Variants in HNRNPC observed in about 807,000 individuals in gnomAD.
HNRNPC encodes the protein heterogeneous nuclear ribonucleoprotein C, also known as heterogeneous nuclear ribonucleoproteins C1/C2.
Under a neutral mutation model 33.2 loss-of-function variants are expected in HNRNPC, and 3 were observed. That is an observed-to-expected ratio of 0.09 (90% CI 0.04 to 0.23). The LOEUF is 0.23. HNRNPC is among the 10% of genes least tolerant of loss of function. HNRNPC has a pLI of 1.00. For missense variants in HNRNPC, 143 were observed against 366.7 expected (o/e 0.39, Z 4.98); for synonymous variants, 121 against 126.7 (o/e 0.96, Z 0.30).
intron 3 of HNRNPC, among the ~76,000 whole-genome samples, chr14:21,231,815 T>A (rs1017051658): frequency 2.4e-4 from 37 of 152,316 alleles, no homozygotes; most frequent in African/African-American, 8.7e-4. Flanking sequence ...AAGAGAAAAC[T>A]ATCACTGGTT....
intron 5 of HNRNPC, among the ~76,000 whole-genome samples, chr14:21,220,237 G>GTT (rs1566601145): frequency 2.4e-5 from 3 of 127,056 alleles, no homozygotes; most frequent in South Asian, 2.6e-4. Flanking sequence ...ATCTATTTCT[G>GTT]GTTTTTTTTT....
intron 6 of HNRNPC, 82 bp from the exon 7 acceptor site, chr14:21,212,005 C>T (rs1413476326): frequency 1.1e-5 from 11 of 992,046 alleles, no homozygotes. Flanking sequence ...CAGACTACAT[C>T]AGGAGCTCAC....
chr14:21,233,669 C>T (rs1366528181), intron 3 of HNRNPC, among the ~76,000 whole-genome samples: 1 of 152,158 alleles, frequency 6.6e-6, no homozygotes, highest in Non-Finnish European at 1.5e-5. Context: ...GGGCAGGACA[C>T]AACCATTTAG....
At position 21,209,473 on chromosome 14, in the gene HNRNPC, A is replaced by C. The variant is rs533632183; in HGVS notation, c.*1750T>G. ...TTTTCTAGTCACGGGTTACTTACTA[A>C]AAGTCTGTGTAACATGAGCTCACAT... is the stretch of plus-strand genomic sequence containing the variant. On this transcript the variant is annotated 3_prime_UTR_variant, in exon 9 of 9. Transcript: ENST00000553300. 1.4e-4 allele frequency: 22 copies of C among 152,316 alleles called. No individual in the cohort carries two copies. The highest frequency in any genetic ancestry group is 1.0e-3 in the Admixed American group (16 of 15,304). The allele number at this position is 152,316 out of a possible 1,614,324, so 9.4% of individuals were successfully genotyped here.
At chr14:21,224,087 T>C (rs1417166867) in intron 5 of HNRNPC, among the ~76,000 whole-genome samples, 1 of 152,092 alleles carries the variant, frequency 6.6e-6, no homozygotes, top group Non-Finnish European at 1.5e-5. Flanking sequence ...CCTTCATACA[T>C]ATATATAAAC....
At chr14:21,256,553 T>G (rs1209934692) in intron 2 of HNRNPC, among the ~76,000 whole-genome samples, 1 of 152,106 alleles carries the variant, frequency 6.6e-6, no homozygotes, top group East Asian at 1.9e-4. Context: ...TACAAACCTA[T>G]TATATATAAT....
intron 2 of HNRNPC, among the ~76,000 whole-genome samples, chr14:21,259,551 G>C (rs1877818261): frequency 6.6e-6 from 1 of 151,960 alleles, no homozygotes; most frequent in Admixed American, 6.6e-5. Context: ...ACTATAATCT[G>C]CTCCCTTCAT....
intron 2 of HNRNPC, among the ~76,000 whole-genome samples, chr14:21,247,859 C>T (rs899008975): frequency 2.0e-5 from 3 of 151,316 alleles, no homozygotes; most frequent in Non-Finnish European, 4.4e-5. Context: ...TGGTGGCAAG[C>T]GCCAGTAATG....
intron 2 of HNRNPC, among the ~76,000 whole-genome samples, chr14:21,258,427 A>T (rs891690990): frequency 6.6e-6 from 1 of 152,152 alleles, no homozygotes; most frequent in Non-Finnish European, 1.5e-5. Context: ...AAGTGACGAA[A>T]GGAGTCTACT....
At chr14:21,216,442 TCA>T (rs1892196504) in intron 5 of HNRNPC, among the ~76,000 whole-genome samples, 1 of 152,002 alleles carries the variant, frequency 6.6e-6, no homozygotes, top group Non-Finnish European at 1.5e-5. Flanking sequence ...ACAGGGTGGC[TCA>T]CACCTGTAAT....
chr14:21,216,879 C>G (rs910220904), intron 5 of HNRNPC, among the ~76,000 whole-genome samples: 1 of 152,078 alleles, frequency 6.6e-6, no homozygotes, highest in African/African-American at 2.4e-5. Context: ...ATTTAAATAA[C>G]AATATGTCAA....
intron 5 of HNRNPC, among the ~76,000 whole-genome samples, chr14:21,218,868 A>C (rs2139513643): frequency 6.6e-6 from 1 of 151,568 alleles, no homozygotes; most frequent in Non-Finnish European, 1.5e-5. Context: ...TCCCAGCACT[A>C]TGGGAGGCCG....
chr14:21,214,712 A>C (rs1311087091), intron 5 of HNRNPC, among the ~76,000 whole-genome samples: 3 of 152,250 alleles, frequency 2.0e-5, no homozygotes, highest in Non-Finnish European at 4.4e-5. Flanking sequence ...TCCCATTTTG[A>C]CATAAAGCTT....
At chr14:21,254,763 A>T (rs961463631) in intron 2 of HNRNPC, among the ~76,000 whole-genome samples, 2 of 152,050 alleles carry the variant, frequency 1.3e-5, no homozygotes, top group East Asian at 3.8e-4. Context: ...AAAATTAGCC[A>T]GGCGTGGTGG....
intron 3 of HNRNPC, 146 bp downstream of exon 3, chr14:21,233,807 T>A: frequency 4.0e-6 from 4 of 1,006,478 alleles, no homozygotes; most frequent in Non-Finnish European, 4.3e-6. Flanking sequence ...ATTATAACTA[T>A]AAGCCTAATG....
At chr14:21,251,260 CAAAAAAAAAA>C (rs71419116) in intron 2 of HNRNPC, among the ~76,000 whole-genome samples, 108 of 49,484 alleles carry the variant, frequency 2.2e-3, no homozygotes, top group African/African-American at 5.1e-3. Flanking sequence ...GACTCCCTCT[CAAAAAAAAAA>C]AAAAAAAAAA....
chr14:21,217,477 A>G (rs1031526295), intron 5 of HNRNPC, among the ~76,000 whole-genome samples: 1 of 152,250 alleles, frequency 6.6e-6, no homozygotes, highest in East Asian at 1.9e-4. Context: ...AAACTCTAAC[A>G]TAATTTTTAA....
intron 8 of HNRNPC, 25 bp from the exon 9 acceptor site, chr14:21,211,331 A>T (rs766216109): frequency 6.2e-7 from 1 of 1,613,522 alleles, no homozygotes; most frequent in Non-Finnish European, 8.5e-7. Context: ...CACAAACAGG[A>T]TGGAGTTAGA....
At chr14:21,245,053 C>A (rs2139747643) in intron 2 of HNRNPC, among the ~76,000 whole-genome samples, 1 of 143,958 alleles carries the variant, frequency 6.9e-6, no homozygotes, top group Middle Eastern at 3.6e-3. Flanking sequence ...CCACTGCACT[C>A]CAGCCTGGGA....
Sources: gnomAD v4.1 joint callset for allele counts (sites outside exome capture counted in the v4.1 genomes callset) on GRCh38, gnomAD v4.1.1 for gene constraint, MANE v1.5 for transcripts, NCBI Gene and HGNC (gene_info 2026-07-23, HGNC 2026-07-21) for gene names.